Variants in PTBP2 observed in about 807,000 individuals in gnomAD.
The protein encoded by PTBP2 is polypyrimidine tract-binding protein 2.
In PTBP2, 13 loss-of-function variants were observed where a neutral mutation model predicts 61.4. That is an observed-to-expected ratio of 0.21 (90% CI 0.14 to 0.34). The LOEUF (loss-of-function observed/expected upper bound fraction) is 0.34. PTBP2 is among the 10% of genes least tolerant of loss of function. The probability of loss-of-function intolerance (pLI) is 1.00; values close to 1 mark genes in which losing one functional copy is unlikely to be tolerated. For missense variants in PTBP2, 405 were observed against 642.6 expected, an observed-to-expected ratio of 0.63 and a Z score of 4.00; for synonymous variants, 215 against 218.5, an observed-to-expected ratio of 0.98 and a Z score of 0.14.
chr1:96,818,855 ATAGTT>A (rs1662577715), downstream of PTBP2: 1 of 152,074 alleles, frequency 6.6e-6, no homozygotes, highest in African/African-American at 2.4e-5. Flanking sequence ...GATCAAATGA[ATAGTT>A]TAGCAACATA....
intron 3 of PTBP2, among the ~76,000 whole-genome samples, chr1:96,755,202 A>G (rs1340197512): frequency 6.6e-6 from 1 of 152,224 alleles, no homozygotes; most frequent in Non-Finnish European, 1.5e-5. Flanking sequence ...CAGGTAGTAC[A>G]GCACAAAAGA....
chr1:96,743,267 A>C (rs1570751403), intron 2 of PTBP2, among the ~76,000 whole-genome samples: 1 of 145,030 alleles, frequency 6.9e-6, no homozygotes, highest in Non-Finnish European at 1.5e-5. Context: ...ACAGAGCAAG[A>C]CTCCGTCTTA....
rs370440949 is a variant in PTBP2 at position 96,807,748 on chromosome 1, A to G, written c.1171+790A>G. On this transcript the variant is annotated intron_variant, in intron 11 of 13. Coordinates refer to ENST00000674951, the MANE Select transcript of PTBP2 (RefSeq NM_021190.4). Reference sequence around the variant, plus strand: ...AATTTTGGCCTTTGACATCACATAGAAAATTTTGAATTTCAAACACATAAT... The same window carrying G: ...AATTTTGGCCTTTGACATCACATAGGAAATTTTGAATTTCAAACACATAAT... 4.5e-4 allele frequency among the ~76,000 whole-genome samples: 68 copies of G among 152,306 alleles called. 1 individual carries two copies. In the South Asian group the frequency reaches 0.013, roughly 28 times the overall value.
chr1:96,739,803 T>C (rs984482268), intron 2 of PTBP2, among the ~76,000 whole-genome samples: 2 of 151,076 alleles, frequency 1.3e-5, no homozygotes, highest in African/African-American at 4.9e-5. Flanking sequence ...ATATATATAT[T>C]TTTTAGTAGA....
chr1:96,802,418 G>A (rs1160904481), intron 8 of PTBP2, among the ~76,000 whole-genome samples: 2 of 152,010 alleles, frequency 1.3e-5, no homozygotes, highest in Admixed American at 1.3e-4. Context: ...GTCAAGAGAT[G>A]TACAGAGAAA....
intron 3 of PTBP2, 34 bp downstream of exon 3, chr1:96,751,534 C>G: frequency 6.6e-7 from 1 of 1,510,992 alleles, no homozygotes; most frequent in East Asian, 2.3e-5. Flanking sequence ...CTGTCATTTG[C>G]CATTTTAGGG....
At chr1:96,770,646 T>G (rs1448373781) in intron 4 of PTBP2, 62 bp from the exon 5 acceptor site, 1 of 1,319,964 alleles carries the variant, frequency 7.6e-7, no homozygotes, top group African/African-American at 1.5e-5. Flanking sequence ...CTGAATAGAT[T>G]GCTTAGATAT....
chr1:96,814,812 T>G lies in PTBP2; in HGVS notation c.*1407T>G, dbSNP rs1371519480. 1 of 152,532 alleles carries G rather than the reference T, an allele frequency of 6.6e-6. No homozygotes were observed. The highest frequency in any genetic ancestry group is 1.5e-5 in the Non-Finnish European group (1 of 67,974). The allele number at this position is 152,532 out of a possible 1,614,324, so 9.4% of individuals were successfully genotyped here. On this transcript the variant is annotated 3_prime_UTR_variant, in exon 14 of 14. Transcript: ENST00000674951. ...TAACAAAGTTGGGAGGTTTGATGGT[T>G]GTTTAATTTCATTTTGTGTGTACTC...
rs2101277423 is a variant in PTBP2, at chr1:96,813,504, T to A, written c.*99T>A. On this transcript the variant is annotated 3_prime_UTR_variant, in exon 14 of 14. Transcript: ENST00000674951. ...GGGACCAGAGTTTGATTTTTTTTGTTTTTGTTTTTTTGGGGTTTCTTTTTT... is the reference window on the plus strand; with the variant it reads ...GGGACCAGAGTTTGATTTTTTTTGTATTTGTTTTTTTGGGGTTTCTTTTTT... 1 of 1,227,880 alleles carries A rather than the reference T, an allele frequency of 8.1e-7. No individual in the cohort carries two copies. The highest frequency in any genetic ancestry group is 2.9e-5 in the Admixed American group (1 of 34,498). 76.1% of individuals were successfully genotyped at this position (1,227,880 alleles called of 1,614,324 possible). A position where few individuals can be genotyped will look rare whatever the true frequency, so the allele number is the denominator to read the frequency against.
At chr1:96,728,909 A>AT (rs1650975985) in intron 2 of PTBP2, among the ~76,000 whole-genome samples, 1 of 151,216 alleles carries the variant, frequency 6.6e-6, no homozygotes, top group African/African-American at 2.4e-5. Flanking sequence ...TGTAAATGAT[A>AT]TTTTAAAAAC....
chr1:96,782,378 G>C (rs1658774376), intron 7 of PTBP2, among the ~76,000 whole-genome samples: 1 of 151,960 alleles, frequency 6.6e-6, no homozygotes, highest in Non-Finnish European at 1.5e-5. Context: ...TTCTCACAGA[G>C]TACACATTGC....
chr1:96,721,955 C>T, intron 1 of PTBP2, 83 bp downstream of exon 1: 1 of 1,528,142 alleles, frequency 6.5e-7, no homozygotes. Context: ...GGGGAGAAAC[C>T]CTCCCGCGGC....
intron 3 of PTBP2, among the ~76,000 whole-genome samples, chr1:96,766,720 C>T (rs1404102784): frequency 6.6e-6 from 1 of 152,214 alleles, no homozygotes; most frequent in East Asian, 1.9e-4. Flanking sequence ...GTAGTCACCT[C>T]ATGGAAGCTA....
In PTBP2 at chr1:96,752,144, G is replaced by C. The variant is rs150417734; in HGVS notation, c.115+644G>C. On this transcript the variant is annotated intron_variant, in intron 3 of 13. Transcript: ENST00000674951. Reference sequence around the variant, plus strand: ...TTAGACCTTAGTTTTATGGCTGATGGGCCAAATTTTTTTTTGTATTTTGTT... The same window carrying C: ...TTAGACCTTAGTTTTATGGCTGATGCGCCAAATTTTTTTTTGTATTTTGTT... Among the ~76,000 whole-genome samples, 114 of 151,608 alleles carry C rather than the reference G, an allele frequency of 7.5e-4. 1 individual carries two copies. Among genetic ancestry groups the C allele is most frequent in the Non-Finnish European group, 9.6e-4 (65 of 67,920 alleles).
At chr1:96,820,974 T>C (rs956865705) in exon 14 of PTBP2, 1 of 152,216 alleles carries the variant, frequency 6.6e-6, no homozygotes, top group African/African-American at 2.4e-5. Context: ...GTATACAGTA[T>C]AGCAAAATAA....
In PTBP2 at chr1:96,799,294, C is replaced by CTTTTTTTTTT. The variant is rs373815292; in HGVS notation, c.905-5496_905-5487dup. Among the ~76,000 whole-genome samples the CTTTTTTTTTT allele has an allele frequency of 4.5e-3, 416 of 92,146 alleles. 60 individuals are homozygous for CTTTTTTTTTT. The highest frequency in any genetic ancestry group is 0.027 in the Middle Eastern group (3 of 112). 60.5% of individuals were successfully genotyped at this position (92,146 alleles called of 152,430 possible). A position where few individuals can be genotyped will look rare whatever the true frequency, so the allele number is the denominator to read the frequency against. Reference sequence around the variant, plus strand: ...ATAGCAATCCTCAGAATAGATCAAGCTTTTTTTTTTTTTTTTTTTGAGATG... The same window carrying CTTTTTTTTTT: ...ATAGCAATCCTCAGAATAGATCAAGCTTTTTTTTTTTTTTTTTTTTTTTTTTTTTGAGATG... On this transcript the variant is annotated intron_variant, in intron 8 of 13. Coordinates refer to ENST00000674951, the MANE Select transcript of PTBP2 (RefSeq NM_021190.4).
exon 14 of PTBP2, chr1:96,820,286 G>A (rs1166232060): frequency 6.6e-6 from 1 of 152,020 alleles, no homozygotes; most frequent in African/African-American, 2.4e-5. Flanking sequence ...GAAGACATTT[G>A]CTATGTACGT....
At chr1:96,779,986 T>C (rs1658470228) in intron 7 of PTBP2, among the ~76,000 whole-genome samples, 2 of 152,078 alleles carry the variant, frequency 1.3e-5, no homozygotes, top group Admixed American at 1.3e-4. Context: ...TTTCTGTTTT[T>C]CACAATGCCT....
intron 8 of PTBP2, among the ~76,000 whole-genome samples, chr1:96,792,554 A>G (rs1659960501): frequency 6.6e-6 from 1 of 152,190 alleles, no homozygotes. Context: ...GAATAGTAAT[A>G]TACATATAGT....
Sources: allele counts gnomAD v4.1 joint callset (sites outside exome capture counted in the v4.1 genomes callset), GRCh38; gene constraint gnomAD v4.1.1; transcripts MANE v1.5; gene names NCBI Gene and HGNC (gene_info 2026-07-23, HGNC 2026-07-21).